GPM6A: variants seen among roughly 807,000 people sequenced by gnomAD.
GPM6A encodes the protein neuronal membrane glycoprotein M6-a.
GPM6A carries 7 observed loss-of-function variants against 32.1 expected under a neutral mutation model. That is an observed-to-expected ratio of 0.22 (90% CI 0.12 to 0.41). The LOEUF is 0.41. Among genes scored for constraint, GPM6A ranks in the 10% least tolerant of loss-of-function variants. The probability of loss-of-function intolerance (pLI) is 1.00; values close to 1 mark genes in which losing one functional copy is unlikely to be tolerated. For missense variants in GPM6A, 235 were observed against 347.2 expected (o/e 0.68, Z 2.57); for synonymous variants, 130 against 123.4 (o/e 1.05, Z -0.35).
chr4:175,792,031 G>A (rs1391600032), intron 1 of GPM6A, among the ~76,000 whole-genome samples: 1 of 152,032 alleles, frequency 6.6e-6, no homozygotes, highest in Non-Finnish European at 1.5e-5. Context: ...AATTAGCATT[G>A]ACATAAAAGA....
chr4:175,817,726 G>C lies in GPM6A; in HGVS notation c.-22-5477C>G, dbSNP rs149731396. Among the ~76,000 whole-genome samples the C allele has an allele frequency of 4.4e-4, 67 of 152,272 alleles. No homozygotes were observed. In the South Asian group the frequency reaches 7.7e-3, roughly 17 times the overall value. ...AGAGAATACATGAAGGCCTATGGAG[G>C]GGGAGACATACTCTGCTGAGAACAT... On this transcript the variant is annotated intron_variant, in intron 1 of 7. Coordinates refer to the GPM6A transcript ENST00000280187.
At chr4:175,711,441 T>C (rs1044444249) in intron 1 of GPM6A, among the ~76,000 whole-genome samples, 4 of 94,408 alleles carry the variant, frequency 4.2e-5, no homozygotes, top group Non-Finnish European at 6.4e-5. Flanking sequence ...TATATATATA[T>C]ATATATATAT....
chr4:175,821,390 G>A (rs1310274243), intron 1 of GPM6A, among the ~76,000 whole-genome samples: 1 of 151,936 alleles, frequency 6.6e-6, no homozygotes, highest in Non-Finnish European at 1.5e-5. Context: ...TAATTCCATA[G>A]CAATTAAATG....
intron 1 of GPM6A, among the ~76,000 whole-genome samples, chr4:175,926,082 C>G (rs1267206879): frequency 6.6e-6 from 1 of 152,212 alleles, no homozygotes; most frequent in Middle Eastern, 3.4e-3. Flanking sequence ...AAACTCCTGA[C>G]TTCAAATGAT....
chr4:175,879,409 T>C (rs887469636), intron 1 of GPM6A, among the ~76,000 whole-genome samples: 7 of 152,158 alleles, frequency 4.6e-5, no homozygotes, highest in African/African-American at 1.7e-4. Flanking sequence ...TGTAATTGAC[T>C]CACAGTTCCT....
At chr4:175,981,791 A>T (rs1183244788) in intron 1 of GPM6A, among the ~76,000 whole-genome samples, 3 of 152,154 alleles carry the variant, frequency 2.0e-5, no homozygotes, top group Non-Finnish European at 4.4e-5. Context: ...TTGATTTTAT[A>T]AAAAACAGCC....
intron 1 of GPM6A, among the ~76,000 whole-genome samples, chr4:175,913,451 C>A (rs1435368459): frequency 6.6e-6 from 1 of 152,168 alleles, no homozygotes; most frequent in East Asian, 1.9e-4. Context: ...AAGATGTAAA[C>A]AGATTGATCA....
chr4:175,974,506 C>T (rs1740602726), intron 1 of GPM6A, among the ~76,000 whole-genome samples: 1 of 151,914 alleles, frequency 6.6e-6, no homozygotes, highest in Admixed American at 6.6e-5. Flanking sequence ...CAGGCGTGAG[C>T]CACCATGCCC....
At chr4:175,778,112 A>G (rs758030650) in intron 1 of GPM6A, among the ~76,000 whole-genome samples, 24 of 152,174 alleles carry the variant, frequency 1.6e-4, no homozygotes, top group Non-Finnish European at 3.2e-4. Context: ...ATTAAAAAAT[A>G]CCAGAGTAGA....
At chr4:175,821,898 C>G (rs1383330721) in intron 1 of GPM6A, among the ~76,000 whole-genome samples, 1 of 152,056 alleles carries the variant, frequency 6.6e-6, no homozygotes, top group Non-Finnish European at 1.5e-5. Flanking sequence ...ATGAGTCTAA[C>G]TGTCCAATCT....
chr4:175,677,390 C>CA (rs1174991543), intron 2 of GPM6A, among the ~76,000 whole-genome samples: 1 of 151,640 alleles, frequency 6.6e-6, no homozygotes, highest in African/African-American at 2.4e-5. Context: ...AACACATAAA[C>CA]AAAAAAGGCT....
chr4:175,997,402 G>A (rs1308214015), intron 1 of GPM6A, among the ~76,000 whole-genome samples: 1 of 151,936 alleles, frequency 6.6e-6, no homozygotes, highest in Non-Finnish European at 1.5e-5. Flanking sequence ...CAGTACTCTA[G>A]CATCATAAAA....
chr4:175,979,111 T>C (rs1007147369), intron 1 of GPM6A, among the ~76,000 whole-genome samples: 3 of 152,168 alleles, frequency 2.0e-5, no homozygotes, highest in African/African-American at 7.2e-5. Flanking sequence ...GAATAGAAGC[T>C]CGTTTTTACC....
chr4:175,758,558 C>T (rs1263238425), intron 1 of GPM6A, among the ~76,000 whole-genome samples: 1 of 152,116 alleles, frequency 6.6e-6, no homozygotes, highest in Non-Finnish European at 1.5e-5. Context: ...CAGAGAGTGT[C>T]AATTGATCCA....
rs553477317 is a variant in GPM6A, at chr4:175,772,229, G to A, written c.37+39962C>T. Among the ~76,000 whole-genome samples, 35 of 152,246 alleles carry A rather than the reference G, an allele frequency of 2.3e-4. No homozygotes were observed. In the South Asian group the frequency reaches 7.1e-3, roughly 31 times the overall value. On this transcript the variant is annotated intron_variant, in intron 1 of 6. Coordinates refer to ENST00000393658, the MANE Select transcript of GPM6A (RefSeq NM_201591.3). ...AATTTATTATCAGTAATTTCAAATA[G>A]GATACTGCTCCTATTTTTATCCTCC...
intron 1 of GPM6A, among the ~76,000 whole-genome samples, chr4:175,730,685 G>A (rs953535879): frequency 3.3e-5 from 5 of 152,058 alleles, no homozygotes; most frequent in Admixed American, 6.6e-5. Context: ...TGTTAGCCAG[G>A]ATGGTCTCGA....
At chr4:175,748,766 C>T (rs192461921) in intron 1 of GPM6A, among the ~76,000 whole-genome samples, 7 of 152,258 alleles carry the variant, frequency 4.6e-5, no homozygotes, top group Admixed American at 4.6e-4. Flanking sequence ...TTCTCCTCTA[C>T]AGCTATGAAA....
chr4:175,812,801 C>T, upstream of GPM6A: 2 of 985,388 alleles, frequency 2.0e-6, no homozygotes, highest in Non-Finnish European at 2.4e-6. Flanking sequence ...AGTGGCTTCT[C>T]ACCCAGTCAG....
chr4:175,995,611 C>T (rs1419362611), intron 1 of GPM6A, among the ~76,000 whole-genome samples: 1 of 152,076 alleles, frequency 6.6e-6, no homozygotes, highest in Non-Finnish European at 1.5e-5. Flanking sequence ...ATTGCAGGTC[C>T]AGCTCTCAAG....
Sources: gnomAD v4.1 joint callset for allele counts (sites outside exome capture counted in the v4.1 genomes callset) on GRCh38, gnomAD v4.1.1 for gene constraint, MANE v1.5 for transcripts, NCBI Gene and HGNC (gene_info 2026-07-23, HGNC 2026-07-21) for gene names.